ZNF407: variants seen among roughly 807,000 people sequenced by gnomAD.
ZNF407 encodes the protein zinc finger protein 407.
A neutral mutation model predicts 131.2 loss-of-function variants in ZNF407; 17 were observed. The observed-to-expected ratio is 0.13, with a 90% CI of 0.09 to 0.19. The LOEUF (loss-of-function observed/expected upper bound fraction) is 0.19, where lower values mean the gene tolerates loss of function less well. Among genes scored for constraint, ZNF407 ranks in the 10% least tolerant of loss-of-function variants. The pLI is 1.00. For synonymous variants in ZNF407, 1,156 were observed against 1,062.0 expected (o/e 1.09, Z -1.72); for missense variants, 2,681 against 2,830.6 (o/e 0.95, Z 1.20).
chr18:75,042,835 C>G (rs1363756222), intron 8 of ZNF407, among the ~76,000 whole-genome samples: 1 of 152,190 alleles, frequency 6.6e-6, no homozygotes, highest in African/African-American at 2.4e-5. Context: ...TCACTTGGCA[C>G]AATGCTTTTC....
intron 3 of ZNF407, among the ~76,000 whole-genome samples, chr18:74,665,884 A>G (rs4891222): frequency 0.64 from 96,848 of 151,994 alleles, 31,923 homozygotes; most frequent in East Asian, 0.81. Context: ...ATCTAGGTAT[A>G]TATTTGTAAA....
At chr18:74,967,382 G>T (rs1036239480) in intron 8 of ZNF407, among the ~76,000 whole-genome samples, 1 of 152,078 alleles carries the variant, frequency 6.6e-6, no homozygotes, top group Non-Finnish European at 1.5e-5. Context: ...GTTGTCAGTG[G>T]CCATATTAGT....
chr18:74,812,335 T>G (rs1215905449), intron 4 of ZNF407, among the ~76,000 whole-genome samples: 8 of 152,238 alleles, frequency 5.3e-5, no homozygotes, highest in African/African-American at 1.4e-4. Context: ...CTTAGCAAAT[T>G]GCTTACAATG....
At chr18:74,899,323 CAG>C (rs1971492899) in intron 7 of ZNF407, among the ~76,000 whole-genome samples, 1 of 152,090 alleles carries the variant, frequency 6.6e-6, no homozygotes, top group Admixed American at 6.5e-5. Flanking sequence ...GATGGAAGGG[CAG>C]AGAGTGGCAG....
At chr18:74,942,978 A>G (rs1377124887) in intron 8 of ZNF407, among the ~76,000 whole-genome samples, 2 of 151,088 alleles carry the variant, frequency 1.3e-5, no homozygotes, top group Admixed American at 1.3e-4. Context: ...GTGCAGTGGG[A>G]CAATATTGGC....
At chr18:74,806,442 TG>T (rs1159276278) in intron 4 of ZNF407, among the ~76,000 whole-genome samples, 1 of 152,156 alleles carries the variant, frequency 6.6e-6, no homozygotes, top group East Asian at 1.9e-4. Context: ...GAGCCAGGGG[TG>T]GAGGACCTGA....
intron 4 of ZNF407, among the ~76,000 whole-genome samples, chr18:74,865,777 A>G (rs1971002217): frequency 6.6e-6 from 1 of 152,230 alleles, no homozygotes; most frequent in African/African-American, 2.4e-5. Context: ...ATCCAATTTT[A>G]AAAATAAATT....
intron 8 of ZNF407, among the ~76,000 whole-genome samples, chr18:75,016,168 T>A (rs917259948): frequency 2.0e-5 from 3 of 152,074 alleles, no homozygotes. Context: ...TTATGAATGT[T>A]AGCGTGGTGG....
At chr18:75,033,959 C>A (rs1450436445) in intron 8 of ZNF407, among the ~76,000 whole-genome samples, 1 of 152,160 alleles carries the variant, frequency 6.6e-6, no homozygotes, top group Non-Finnish European at 1.5e-5. Context: ...TTTATATTTT[C>A]TTCATATTTA....
At chr18:75,060,191 AGTT>A (rs1465702575) in intron 8 of ZNF407, 1 of 152,234 alleles carries the variant, frequency 6.6e-6, no homozygotes, top group East Asian at 1.9e-4. Flanking sequence ...AATGCTACCC[AGTT>A]GTTCTCTGTC....
chr18:74,774,851 G>A (rs919333385), intron 3 of ZNF407, among the ~76,000 whole-genome samples: 2 of 152,080 alleles, frequency 1.3e-5, no homozygotes, highest in Non-Finnish European at 2.9e-5. Context: ...GAAGTTTTAG[G>A]GGAAAAGTGT....
intron 8 of ZNF407, among the ~76,000 whole-genome samples, chr18:74,999,343 T>G (rs1599286347): frequency 1.4e-5 from 1 of 72,684 alleles, no homozygotes; most frequent in Admixed American, 2.1e-4. Context: ...AAACTTAGAG[T>G]ATAATAAAAA....
At chr18:74,849,052 C>CTTTT (rs35529971) in intron 4 of ZNF407, among the ~76,000 whole-genome samples, 552 of 122,602 alleles carry the variant, frequency 4.5e-3, no homozygotes, top group Middle Eastern at 9.4e-3. Context: ...ACTTTTGTTT[C>CTTTT]TTTTTTTTTT....
At chr18:74,924,525 G>T (rs1971887520) in intron 8 of ZNF407, among the ~76,000 whole-genome samples, 1 of 152,006 alleles carries the variant, frequency 6.6e-6, no homozygotes, top group African/African-American at 2.4e-5. Context: ...ATCTTGATTT[G>T]ATCTCTTCAG....
intron 8 of ZNF407, among the ~76,000 whole-genome samples, chr18:75,028,762 G>A (rs1249018348): frequency 6.6e-5 from 10 of 152,162 alleles, no homozygotes; most frequent in East Asian, 3.9e-4. Flanking sequence ...CTGTGCCTTC[G>A]AGGGTGTATG....
At chr18:74,946,808 A>G (rs1004092089) in intron 8 of ZNF407, among the ~76,000 whole-genome samples, 6 of 152,130 alleles carry the variant, frequency 3.9e-5, no homozygotes, top group African/African-American at 1.2e-4. Flanking sequence ...TTAAAATAAC[A>G]TGACAGTCAT....
chr18:74,962,813 G>A (rs1972362559), intron 8 of ZNF407, among the ~76,000 whole-genome samples: 1 of 152,210 alleles, frequency 6.6e-6, no homozygotes, highest in African/African-American at 2.4e-5. Context: ...CACCTGGTTG[G>A]CTGTCCAGCT....
chr18:75,006,954 T>C (rs1972918111), intron 8 of ZNF407, among the ~76,000 whole-genome samples: 1 of 152,164 alleles, frequency 6.6e-6, no homozygotes, highest in Middle Eastern at 3.2e-3. Flanking sequence ...CTAGAATGCT[T>C]TTTGCCTAAA....
intron 3 of ZNF407, among the ~76,000 whole-genome samples, chr18:74,646,969 A>G (rs1243732416): frequency 1.3e-5 from 2 of 152,208 alleles, no homozygotes; most frequent in Non-Finnish European, 2.9e-5. Context: ...GCCAGTAAGT[A>G]TGATCAACCT....
Sources: allele counts gnomAD v4.1 joint callset (sites outside exome capture counted in the v4.1 genomes callset), GRCh38; gene constraint gnomAD v4.1.1; transcripts MANE v1.5; gene names NCBI Gene and HGNC (gene_info 2026-07-23, HGNC 2026-07-21).